The following ADAMTS19 variants were observed in gnomAD, a reference collection of about 807,000 sequenced individuals.
ADAMTS19 encodes the protein ADAM metallopeptidase with thrombospondin type 1 motif 19.
ADAMTS19 carries 93 observed loss-of-function variants against 153.3 expected under a neutral mutation model. The ratio of observed to expected loss-of-function variants is 0.61; its 90% CI spans 0.51 to 0.72. The LOEUF (loss-of-function observed/expected upper bound fraction) is 0.72, where lower values mean the gene tolerates loss of function less well. Among genes scored for constraint, ADAMTS19 ranks in the 30% least tolerant of loss-of-function variants. The probability of loss-of-function intolerance (pLI) is 0.00; values close to 1 mark genes in which losing one functional copy is unlikely to be tolerated. For synonymous variants in ADAMTS19, 600 were observed against 556.6 expected (o/e 1.08, Z -1.10); for missense variants, 1,482 against 1,552.1 (o/e 0.95, Z 0.76).
At chr5:129,469,941 T>C (rs1378881138) in intron 2 of ADAMTS19, among the ~76,000 whole-genome samples, 1 of 152,204 alleles carries the variant, frequency 6.6e-6, no homozygotes, top group Non-Finnish European at 1.5e-5. Context: ...AGGGGCAATA[T>C]GTAGATACAT....
intron 7 of ADAMTS19, among the ~76,000 whole-genome samples, chr5:129,586,141 C>T (rs1749785183): frequency 6.6e-6 from 1 of 152,164 alleles, no homozygotes; most frequent in Non-Finnish European, 1.5e-5. Context: ...TAGAATGGTA[C>T]ATTATTTTTA....
chr5:129,608,096 G>GTGTGTGTA (rs1439546787), intron 8 of ADAMTS19, among the ~76,000 whole-genome samples: 8 of 50,500 alleles, frequency 1.6e-4, no homozygotes, highest in African/African-American at 4.6e-4. Context: ...ATATATGTGT[G>GTGTGTGTA]TGTGTGTGTG....
intron 7 of ADAMTS19, among the ~76,000 whole-genome samples, chr5:129,556,835 C>T (rs184833858): frequency 1.7e-4 from 26 of 152,268 alleles, no homozygotes; most frequent in Non-Finnish European, 3.2e-4. Context: ...AGAATCTTCC[C>T]TAGAGCCGAC....
chr5:129,492,302 T>C (rs554266735), intron 2 of ADAMTS19, among the ~76,000 whole-genome samples: 63 of 152,256 alleles, frequency 4.1e-4, no homozygotes, highest in South Asian at 1.2e-3. Context: ...TCTGACCCCA[T>C]GATCCAGTTG....
chr5:129,565,491 T>G (rs928908302), intron 7 of ADAMTS19, among the ~76,000 whole-genome samples: 5 of 152,214 alleles, frequency 3.3e-5, no homozygotes, highest in African/African-American at 1.2e-4. Context: ...TTCTTTTCAC[T>G]TCTCTTTCTT....
rs1750561190 is a variant in ADAMTS19, at chr5:129,599,813, C to T, written c.1478+3149C>T. On this transcript the variant is annotated intron_variant, in intron 8 of 22. Transcript: ENST00000274487. Reference sequence around the variant, plus strand: ...TATTTGACTTTTATAGAGCTGTACCCAAAATCAATAGAGATGTGCCAAAGG... The same window carrying T: ...TATTTGACTTTTATAGAGCTGTACCTAAAATCAATAGAGATGTGCCAAAGG... 2.0e-5 allele frequency among the ~76,000 whole-genome samples: 3 copies of T among 152,012 alleles called. No individual in the cohort carries two copies. The South Asian group carries it at 6.2e-4, about 32-fold the overall frequency.
At chr5:129,658,924 CA>C (rs1455984553) in intron 15 of ADAMTS19, among the ~76,000 whole-genome samples, 187 bp downstream of exon 15, 1 of 152,052 alleles carries the variant, frequency 6.6e-6, no homozygotes, top group Non-Finnish European at 1.5e-5. Flanking sequence ...GCCCATTTCC[CA>C]ATAATGCAAA....
intron 7 of ADAMTS19, among the ~76,000 whole-genome samples, chr5:129,582,551 G>A (rs1020769459): frequency 6.6e-6 from 1 of 151,602 alleles, no homozygotes; most frequent in Admixed American, 6.6e-5. Flanking sequence ...CAATCTCCTA[G>A]TCTGTGTCTT....
chr5:129,635,523 A>G (rs978897811), intron 10 of ADAMTS19, among the ~76,000 whole-genome samples: 1 of 152,246 alleles, frequency 6.6e-6, no homozygotes, highest in East Asian at 1.9e-4. Context: ...CATCAGTGAT[A>G]GACTGGATAA....
intron 10 of ADAMTS19, among the ~76,000 whole-genome samples, chr5:129,630,444 C>G (rs1752236741): frequency 6.6e-6 from 1 of 151,902 alleles, no homozygotes; most frequent in Non-Finnish European, 1.5e-5. Context: ...CATAGAGAGT[C>G]CAATTATAGA....
At chr5:129,566,107 T>G (rs894377581) in intron 7 of ADAMTS19, among the ~76,000 whole-genome samples, 1 of 152,150 alleles carries the variant, frequency 6.6e-6, no homozygotes, top group Non-Finnish European at 1.5e-5. Flanking sequence ...AATCCTTTTG[T>G]CAAATATTGC....
chr5:129,461,162 G>C lies in ADAMTS19; in HGVS notation c.152G>C (p.Arg51Pro). 3 of 1,395,804 alleles carry C rather than the reference G, an allele frequency of 2.1e-6. No homozygotes were observed. Among genetic ancestry groups the C allele is most frequent in the Middle Eastern group, 2.6e-4 (1 of 3,814 alleles). 86.5% of individuals were successfully genotyped at this position (1,395,804 alleles called of 1,614,324 possible). ...GTCGTGTTTCCTGCGCTCTGGCGCC[G>C]GGAGCCGGTGGACCCGGCTGGCGGC... Reference protein sequence around the residue: ...WEVVFPALWRREPVDPAGGSG... With the variant: ...WEVVFPALWRPEPVDPAGGSG... Residue 51 changes from arginine (R) to proline (P), a missense_variant, in exon 2 of 23, where the codon CGG (arginine) becomes CCG (proline). Coordinates refer to ENST00000274487, the MANE Select transcript of ADAMTS19 (RefSeq NM_133638.6). This position sits in a 1 kb window ranked among gnomAD's most constrained non-coding sequence, Gnocchi z 4.6.
intron 10 of ADAMTS19, among the ~76,000 whole-genome samples, chr5:129,632,587 G>A (rs1162498988): frequency 6.6e-6 from 1 of 151,780 alleles, no homozygotes; most frequent in African/African-American, 2.4e-5. Context: ...GGTTGCTAAT[G>A]ACAAATTCTC....
chr5:129,598,532 C>G (rs2126924340), intron 8 of ADAMTS19, among the ~76,000 whole-genome samples: 1 of 152,306 alleles, frequency 6.6e-6, no homozygotes, highest in South Asian at 2.1e-4. Flanking sequence ...ATGTATCCAT[C>G]ACCCAGCCCA....
intron 19 of ADAMTS19, among the ~76,000 whole-genome samples, chr5:129,699,588 C>G (rs1755736109): frequency 6.6e-6 from 1 of 152,044 alleles, no homozygotes; most frequent in South Asian, 2.1e-4. Context: ...CTCTGCTTCC[C>G]TAGGGAATAT....
intron 2 of ADAMTS19, among the ~76,000 whole-genome samples, chr5:129,499,772 T>G (rs1444818862): frequency 6.6e-6 from 1 of 152,184 alleles, no homozygotes; most frequent in Non-Finnish European, 1.5e-5. Context: ...AATATGAATC[T>G]AGTAAGTGAA....
intron 2 of ADAMTS19, among the ~76,000 whole-genome samples, chr5:129,474,649 A>T (rs577763778): frequency 2.0e-5 from 3 of 152,092 alleles, no homozygotes; most frequent in African/African-American, 7.2e-5. Flanking sequence ...CCATCACCAC[A>T]ACTTAGTTTG....
At chr5:129,558,564 G>A (rs1416476684) in intron 7 of ADAMTS19, among the ~76,000 whole-genome samples, 6 of 152,032 alleles carry the variant, frequency 3.9e-5, no homozygotes, top group Non-Finnish European at 8.8e-5. Context: ...TGATACAAAT[G>A]TTCATTTCCC....
intron 6 of ADAMTS19, 66 bp from the exon 7 acceptor site, chr5:129,551,794 ATGAG>A: frequency 1.1e-6 from 1 of 923,784 alleles, no homozygotes; most frequent in Non-Finnish European, 1.6e-6. Flanking sequence ...ACTATTAAAA[ATGAG>A]TCACTTGATG....
Sources: allele counts gnomAD v4.1 joint callset (sites outside exome capture counted in the v4.1 genomes callset), GRCh38; gene constraint gnomAD v4.1.1; non-coding constraint Gnocchi (gnomAD v3.1); transcripts MANE v1.5; gene names NCBI Gene and HGNC (gene_info 2026-07-23, HGNC 2026-07-21).